Variants in RNF6 observed in about 807,000 individuals in gnomAD.
RNF6 encodes the protein ring finger protein 6.
Under a neutral mutation model 50.1 loss-of-function variants are expected in RNF6, and 21 were observed. That is an observed-to-expected ratio of 0.42 (90% CI 0.30 to 0.60). The LOEUF is 0.60. RNF6 is among the 20% of genes least tolerant of loss of function. The pLI is 0.20. For missense variants in RNF6, 698 were observed against 838.2 expected (o/e 0.83, Z 2.07); for synonymous variants, 255 against 291.8 (o/e 0.87, Z 1.29).
chr13:26,185,782 A>G (rs1873489420), intron 5 of RNF6, among the ~76,000 whole-genome samples: 1 of 152,226 alleles, frequency 6.6e-6, no homozygotes, highest in African/African-American at 2.4e-5. Flanking sequence ...TGCATTGTCA[A>G]CAGAAGTGTA....
chr13:26,180,742 C>T (rs190571157), intron 5 of RNF6, among the ~76,000 whole-genome samples: 1 of 152,356 alleles, frequency 6.6e-6, no homozygotes, highest in African/African-American at 2.4e-5. Flanking sequence ...GGCAATAGGC[C>T]ACACATGGAC....
chr13:26,188,644 T>C (rs1307864555), intron 5 of RNF6, among the ~76,000 whole-genome samples: 1 of 131,428 alleles, frequency 7.6e-6, no homozygotes, highest in East Asian at 2.5e-4. Flanking sequence ...TTTTTTTTTT[T>C]TTTTTTTTTG....
rs1869506608 is a variant in RNF6, at chr13:26,213,837, G to A, written c.2045C>T (p.Ala682Val). ...GATCCCATCACCTTACCCATTGTTT[G>A]CTATGTTAGACCCTAAAACAGGCTG... ...CRQPVLGSNI[A>V]NNG Residue 682 changes from alanine (A) to valine (V), a missense_variant, in exon 5 of 5, where the codon GCA (alanine) becomes GTA (valine). By Grantham distance (64) the Ala-to-Val change is moderately conservative. Transcript: ENST00000381588. The A allele has an allele frequency of 1.9e-6, 3 of 1,605,122 alleles. No individual in the cohort carries two copies. Among genetic ancestry groups the A allele is most frequent in the South Asian group, 2.2e-5 (2 of 89,950 alleles).
At chr13:26,168,552 A>G (rs7320117) in intron 5 of RNF6, among the ~76,000 whole-genome samples, 7,167 of 152,210 alleles carry the variant, frequency 0.047, 334 homozygotes, top group African/African-American at 0.11. Flanking sequence ...TTTGCAGAAA[A>G]TGTTCTTACA....
chr13:26,222,365 C>T (rs1320581307), upstream of RNF6: 2 of 152,376 alleles, frequency 1.3e-5, no homozygotes, highest in Non-Finnish European at 2.9e-5. Flanking sequence ...GCGTTCCGCC[C>T]TCTTGCGCCG....
intron 5 of RNF6, among the ~76,000 whole-genome samples, chr13:26,179,766 G>C (rs1213302519): frequency 6.6e-6 from 1 of 152,164 alleles, no homozygotes; most frequent in Non-Finnish European, 1.5e-5. Context: ...TGTCTCTTAA[G>C]ATAGATGTAT....
chr13:26,137,592 G>T (rs1352992059), intron 5 of RNF6, among the ~76,000 whole-genome samples: 1 of 146,920 alleles, frequency 6.8e-6, no homozygotes, highest in African/African-American at 2.5e-5. Flanking sequence ...TATGTTGAAA[G>T]AAATAATATA....
downstream of RNF6, among the ~76,000 whole-genome samples, chr13:26,208,647 T>A (rs1869198928): frequency 6.6e-6 from 1 of 152,136 alleles, no homozygotes; most frequent in Admixed American, 6.5e-5. Context: ...AACACAGAGA[T>A]TTATCAGGAA....
intron 5 of RNF6, among the ~76,000 whole-genome samples, chr13:26,179,266 C>G (rs987007049): frequency 1.3e-5 from 2 of 152,176 alleles, no homozygotes; most frequent in Non-Finnish European, 2.9e-5. Flanking sequence ...GAGACAGACA[C>G]TCGCATAACA....
intron 5 of RNF6, among the ~76,000 whole-genome samples, chr13:26,182,928 G>T (rs145586640): frequency 1.3e-5 from 2 of 152,268 alleles, no homozygotes; most frequent in South Asian, 2.1e-4. Context: ...TAGCCAAATG[G>T]CTGGGAACAT....
At chr13:26,157,123 A>G (rs1871968224) in intron 5 of RNF6, among the ~76,000 whole-genome samples, 1 of 152,156 alleles carries the variant, frequency 6.6e-6, no homozygotes, top group South Asian at 2.1e-4. Context: ...TTGTTGGGGT[A>G]ATGAAAATGT....
Position 26,143,372 on chromosome 13 carries a change from C to A in RNF6, n.769-10921G>T, listed in dbSNP as rs148465252. 2.7e-3 allele frequency among the ~76,000 whole-genome samples: 417 copies of A among 152,248 alleles called. 1 individual carries two copies. The highest frequency in any genetic ancestry group is 4.5e-3 in the Non-Finnish European group (305 of 68,014). ...TCCAGCAAAGTAACTGTCTTATTTG[C>A]CTGTTGATTCAGAAGCATGAGGAGC... On this transcript the variant is annotated intron_variant and non_coding_transcript_variant, in intron 5 of 5. Transcript: ENST00000468480.
At chr13:26,167,121 T>C (rs2137623372) in intron 5 of RNF6, among the ~76,000 whole-genome samples, 1 of 152,302 alleles carries the variant, frequency 6.6e-6, no homozygotes, top group Admixed American at 6.5e-5. Context: ...AACTAGGCAA[T>C]ACCATTCTGG....
chr13:26,188,447 A>G (rs1273904960), intron 5 of RNF6, among the ~76,000 whole-genome samples: 2 of 152,130 alleles, frequency 1.3e-5, no homozygotes, highest in East Asian at 3.8e-4. Context: ...TGGAATTATC[A>G]AGAGTCTGGC....
In RNF6 at chr13:26,200,622, C is replaced by G. The variant is rs1477943508; in HGVS notation, n.768+14852G>C. Among the ~76,000 whole-genome samples the G allele has an allele frequency of 2.6e-5, 4 of 152,232 alleles. No homozygotes were observed. In the East Asian group the frequency reaches 5.8e-4, roughly 22 times the overall value. ...GTTTCACCATGTTGGCCAGGCTGGT[C>G]TTGAACTCTTGACCTCAAGTGATCC... On this transcript the variant is annotated intron_variant and non_coding_transcript_variant, in intron 5 of 5. Coordinates refer to the RNF6 transcript ENST00000468480.
chr13:26,164,745 G>A (rs936293315), intron 5 of RNF6, among the ~76,000 whole-genome samples: 3 of 152,066 alleles, frequency 2.0e-5, no homozygotes, highest in African/African-American at 7.2e-5. Context: ...TCTCATGGAT[G>A]AGATCTTGCT....
chr13:26,181,608 C>G (rs1331574218), intron 5 of RNF6, among the ~76,000 whole-genome samples: 1 of 152,194 alleles, frequency 6.6e-6, no homozygotes, highest in Non-Finnish European at 1.5e-5. Flanking sequence ...TGTCAGTAAA[C>G]CAAGCTATAC....
At chr13:26,170,973 G>A (rs2137632895) in intron 5 of RNF6, among the ~76,000 whole-genome samples, 1 of 152,168 alleles carries the variant, frequency 6.6e-6, no homozygotes, top group South Asian at 2.1e-4. Flanking sequence ...GAAGACATAG[G>A]GGAAAATCTT....
Position 26,136,692 on chromosome 13 carries a change from A to G in RNF6, n.769-4241T>C, listed in dbSNP as rs981995733. Among the ~76,000 whole-genome samples, 7 of 152,290 alleles carry G rather than the reference A, an allele frequency of 4.6e-5. No homozygotes were observed. The East Asian group carries it at 1.3e-3, about 29-fold the overall frequency. Reference sequence around the variant, plus strand: ...GGTTTAAAGTAAAACAATCTGTATTAATTTAACTGGTTGAGACATATACCC... The same window carrying G: ...GGTTTAAAGTAAAACAATCTGTATTGATTTAACTGGTTGAGACATATACCC... On this transcript the variant is annotated intron_variant and non_coding_transcript_variant, in intron 5 of 5. Coordinates refer to the RNF6 transcript ENST00000468480.
Sources: allele counts gnomAD v4.1 joint callset (sites outside exome capture counted in the v4.1 genomes callset), GRCh38; gene constraint gnomAD v4.1.1; transcripts MANE v1.5; gene names NCBI Gene and HGNC (gene_info 2026-07-23, HGNC 2026-07-21).